The following ALOX5 variants were observed in gnomAD, a reference collection of about 807,000 sequenced individuals.
ALOX5 encodes the protein polyunsaturated fatty acid 5-lipoxygenase.
ALOX5 carries 64 observed loss-of-function variants against 87.9 expected under a neutral mutation model. The ratio of observed to expected loss-of-function variants is 0.73; its 90% confidence interval spans 0.60 to 0.90. ALOX5 has a LOEUF of 0.90. Ranked by LOEUF, ALOX5 falls within the 40% of genes least tolerant of loss-of-function variation. The pLI, the probability that ALOX5 is intolerant of heterozygous loss-of-function variation, is 0.00. For missense variants in ALOX5, 822 were observed against 907.5 expected (o/e 0.91, Z 1.21); for synonymous variants, 388 against 355.1 (o/e 1.09, Z -1.04).
chr10:45,392,112 T>C (rs867036013), intron 2 of ALOX5, among the ~76,000 whole-genome samples: 3,012 of 148,730 alleles, frequency 0.02, 112 homozygotes, highest in African/African-American at 0.071. Flanking sequence ...CCCGGCCAGC[T>C]GCCCCGTCCG....
chr10:45,437,927 G>A (rs930727517), intron 7 of ALOX5, among the ~76,000 whole-genome samples: 2 of 152,194 alleles, frequency 1.3e-5, no homozygotes, highest in Non-Finnish European at 2.9e-5. Flanking sequence ...AAATTGGCTT[G>A]CTAAAAAAAC....
intron 7 of ALOX5, among the ~76,000 whole-genome samples, chr10:45,434,458 C>G (rs1280467796): frequency 6.6e-6 from 1 of 152,202 alleles, no homozygotes; most frequent in Non-Finnish European, 1.5e-5. Flanking sequence ...TGAGTGAGCC[C>G]TTCCATGTCC....
At position 45,424,162 on chromosome 10, in the gene ALOX5, G is replaced by T; in HGVS notation, c.661+15G>T. On this transcript the variant is annotated intron_variant, in intron 5 of 13. Transcript: ENST00000374391. ...CACTATTTCTGGTGAGTGTGCCTCT[G>T]GGGGCCCAAGTGGTGCTGGGGACAG... 6.3e-7 allele frequency: 1 copy of T among 1,598,380 alleles called. No homozygotes were observed. The highest frequency in any genetic ancestry group is 8.6e-7 in the Non-Finnish European group (1 of 1,165,950).
At position 45,423,061 on chromosome 10, in the gene ALOX5, C is replaced by T. The variant is rs946106521; in HGVS notation, c.555-980C>T. On this transcript the variant is annotated intron_variant, in intron 4 of 13. Coordinates refer to ENST00000374391, the MANE Select transcript of ALOX5 (RefSeq NM_000698.5). ...TAACCCTAATCACCTCCCAAAGGCC[C>T]CATCTCCTAATGCCATCACACTGGG... Among the ~76,000 whole-genome samples, 8 of 152,208 alleles carry T rather than the reference C, an allele frequency of 5.3e-5. No homozygotes were observed. The South Asian group carries it at 6.2e-4, about 12-fold the overall frequency.
intron 3 of ALOX5, among the ~76,000 whole-genome samples, chr10:45,402,430 G>A (rs1329580136): frequency 6.6e-6 from 1 of 152,142 alleles, no homozygotes; most frequent in Non-Finnish European, 1.5e-5. Context: ...TCGGCTGATG[G>A]GTGGCACTGG....
In ALOX5 at chr10:45,396,396, G is replaced by C. The variant is rs74991420; in HGVS notation, c.431+460G>C. ...AAAATGAATAAAAAAGGAAAAATGA[G>C]ACTCATAAAATGAGGGAAAATCAAT... On this transcript the variant is annotated intron_variant, in intron 3 of 13. Transcript: ENST00000374391. Among the ~76,000 whole-genome samples the C allele has an allele frequency of 8.0e-3, 1,221 of 152,038 alleles. 23 individuals are homozygous for C. Among genetic ancestry groups the C allele is most frequent in the East Asian group, 0.069 (358 of 5,182 alleles).
At chr10:45,444,762 C>CT (rs956390375) in intron 13 of ALOX5, 2 of 161,170 alleles carry the variant, frequency 1.2e-5, no homozygotes, top group African/African-American at 4.8e-5. Context: ...TGCTGGGTGT[C>CT]TGAGTTGTTC....
intron 3 of ALOX5, among the ~76,000 whole-genome samples, chr10:45,396,198 G>A (rs570952058): frequency 1.1e-3 from 167 of 152,180 alleles, no homozygotes; most frequent in Non-Finnish European, 1.2e-3. Context: ...AAGCTTGAGT[G>A]TACCTTAATG....
chr10:45,388,052 C>T (rs1041514414), intron 2 of ALOX5, among the ~76,000 whole-genome samples: 6 of 152,202 alleles, frequency 3.9e-5, no homozygotes, highest in Non-Finnish European at 5.9e-5. Context: ...GAAGTGGTGA[C>T]GGACAGCACC....
At chr10:45,430,722 A>C (rs1366640754) in intron 7 of ALOX5, among the ~76,000 whole-genome samples, 1 of 152,178 alleles carries the variant, frequency 6.6e-6, no homozygotes, top group Non-Finnish European at 1.5e-5. Flanking sequence ...ATGGATAAAA[A>C]CCTAGGAAAA....
chr10:45,374,342 CA>C lies in ALOX5; in HGVS notation c.64del (p.Ile22SerfsTer35). On this transcript the variant is annotated frameshift_variant, in exon 1 of 14. Coordinates refer to ENST00000374391, the MANE Select transcript of ALOX5 (RefSeq NM_000698.5). LOFTEE classifies it high-confidence loss of function. The part of the protein sequence containing the change: ...SQWFAGTDDY[I>X]YLSLVGSAGC... ...AGTGGTTCGCCGGCACTGACGACTA[CA>C]TCTACCTCAGCCTCGTGGGCTCGGC... 6.5e-7 allele frequency: 1 copy of C among 1,537,566 alleles called. No homozygotes were observed. Among genetic ancestry groups the C allele is most frequent in the Non-Finnish European group, 8.7e-7 (1 of 1,143,764 alleles).
In ALOX5 at chr10:45,443,452, C is replaced by G. The variant is rs1396247200; in HGVS notation, c.1488C>G (p.Gly496=). The change falls in exon 11 of 14, where the codon GGC becomes GGG. Residue 496 remains glycine, a synonymous_variant. Coordinates refer to ENST00000374391, the MANE Select transcript of ALOX5 (RefSeq NM_000698.5). Reference sequence around the variant, plus strand: ...AGGTGGTAGACATCTACTACGAGGGCGACCAGGTGGTGGAGGAGGACCCGG... The same window carrying G: ...AGGTGGTAGACATCTACTACGAGGGGGACCAGGTGGTGGAGGAGGACCCGG... ...TAEVVDIYYE[G]DQVVEEDPEL... 1.2e-6 allele frequency: 2 copies of G among 1,611,502 alleles called. No homozygotes were observed. Among genetic ancestry groups the G allele is most frequent in the Non-Finnish European group, 1.7e-6 (2 of 1,178,940 alleles).
At chr10:45,374,657 G>A (rs1220120238) in intron 1 of ALOX5, among the ~76,000 whole-genome samples, 1 of 151,750 alleles carries the variant, frequency 6.6e-6, no homozygotes, top group Admixed American at 6.5e-5. Flanking sequence ...CCCTCGCGGC[G>A]GCCGCGACCC....
chr10:45,391,982 G>A (rs1010489649), intron 2 of ALOX5, among the ~76,000 whole-genome samples: 16 of 151,932 alleles, frequency 1.1e-4, no homozygotes, highest in Admixed American at 9.8e-4. Context: ...TGTCCGGGAG[G>A]GAGGTGGGGG....
At chr10:45,431,179 TAGG>T (rs1193170025) in intron 7 of ALOX5, among the ~76,000 whole-genome samples, 3 of 152,222 alleles carry the variant, frequency 2.0e-5, no homozygotes, top group South Asian at 2.1e-4. Flanking sequence ...TAAAAATTAA[TAGG>T]AGGAACCTTA....
At chr10:45,398,561 A>C (rs931909394) in intron 3 of ALOX5, among the ~76,000 whole-genome samples, 2 of 152,262 alleles carry the variant, frequency 1.3e-5, no homozygotes, top group Non-Finnish European at 2.9e-5. Context: ...AAGAAAGTGA[A>C]AAGATGAACC....
At chr10:45,440,836 G>T (rs1056695496) in intron 8 of ALOX5, among the ~76,000 whole-genome samples, 4 of 152,212 alleles carry the variant, frequency 2.6e-5, no homozygotes, top group African/African-American at 9.6e-5. Flanking sequence ...CGCGGCTGGG[G>T]CATGGGCCTG....
chr10:45,391,573 G>A (rs1840256934), intron 2 of ALOX5, among the ~76,000 whole-genome samples: 1 of 151,786 alleles, frequency 6.6e-6, no homozygotes, highest in Non-Finnish European at 1.5e-5. Flanking sequence ...GATGTAAGGA[G>A]CCCCTCTGCC....
At chr10:45,437,907 G>T (rs1842105661) in intron 7 of ALOX5, among the ~76,000 whole-genome samples, 1 of 152,220 alleles carries the variant, frequency 6.6e-6, no homozygotes, top group African/African-American at 2.4e-5. Context: ...CACCCTTTCT[G>T]CAGAAAGTAA....
Sources: allele counts gnomAD v4.1 joint callset (sites outside exome capture counted in the v4.1 genomes callset), GRCh38; gene constraint gnomAD v4.1.1; transcripts MANE v1.5; gene names NCBI Gene and HGNC (gene_info 2026-07-23, HGNC 2026-07-21).